Variants in DIP2C observed in about 807,000 individuals in gnomAD.
The protein encoded by DIP2C is DIP2 acetate--CoA ligase C (putative), also known as disco-interacting protein 2 homolog C.
In DIP2C, 33 loss-of-function variants were observed where a neutral mutation model predicts 192.4. The observed-to-expected ratio is 0.17, with a 90% CI of 0.13 to 0.23. The LOEUF is 0.23. DIP2C is among the 10% of genes least tolerant of loss of function. The pLI is 1.00. For missense variants in DIP2C, 1,537 were observed against 2,110.1 expected, an observed-to-expected ratio of 0.73 and a Z score of 5.32; for synonymous variants, 979 against 864.1, an observed-to-expected ratio of 1.13 and a Z score of -2.33.
chr10:657,732 G>A (rs1245969846), intron 1 of DIP2C, among the ~76,000 whole-genome samples: 2 of 98,202 alleles, frequency 2.0e-5, no homozygotes, highest in African/African-American at 3.8e-5. Context: ...TGGACCTGCC[G>A]CTGGACCTGA....
intron 1 of DIP2C, among the ~76,000 whole-genome samples, chr10:525,101 G>C (rs141387026): frequency 1.8e-4 from 27 of 151,944 alleles, no homozygotes; most frequent in African/African-American, 6.5e-4. Flanking sequence ...CATCCTTAAA[G>C]ACAACCAAAT....
intron 2 of DIP2C, chr10:484,781 C>G (rs1426483338): frequency 6.2e-7 from 1 of 1,610,348 alleles, no homozygotes; most frequent in Non-Finnish European, 8.5e-7. Flanking sequence ...CAGCGCTCAC[C>G]GAAACGAAAG....
chr10:465,710 G>A (rs368249663), intron 3 of DIP2C, among the ~76,000 whole-genome samples: 3 of 151,806 alleles, frequency 2.0e-5, no homozygotes, highest in East Asian at 1.9e-4. Flanking sequence ...CAAAATCAAT[G>A]TACAAAAATC....
chr10:357,779 G>C, intron 23 of DIP2C, 49 bp downstream of exon 23: 1 of 1,442,210 alleles, frequency 6.9e-7, no homozygotes, highest in Non-Finnish European at 9.7e-7. Flanking sequence ...GTCGGGGACA[G>C]TCGGAAAAGT....
At chr10:461,433 CAAAG>C (rs1442562219) in intron 3 of DIP2C, among the ~76,000 whole-genome samples, 1 of 152,140 alleles carries the variant, frequency 6.6e-6, no homozygotes, top group African/African-American at 2.4e-5. Context: ...TCAAAAAAGA[CAAAG>C]AAGGGCATTA....
At chr10:493,018 A>C (rs998805419) in intron 1 of DIP2C, among the ~76,000 whole-genome samples, 3 of 152,240 alleles carry the variant, frequency 2.0e-5, no homozygotes, top group Admixed American at 6.5e-5. Flanking sequence ...GCACGTGTGC[A>C]GTGTGCCGCG....
In DIP2C at chr10:596,548, G is replaced by GAA. The variant is rs1383449156; in HGVS notation, c.85+92944_85+92945dup. Reference sequence around the variant, plus strand: ...AAAAGTATTAAGTTTTCCTTCCAATGAACCTATCATTCTGCCACCGAGGTA... The same window carrying GAA: ...AAAAGTATTAAGTTTTCCTTCCAATGAAAACCTATCATTCTGCCACCGAGGTA... On this transcript the variant is annotated intron_variant, in intron 1 of 36. Coordinates refer to ENST00000280886, the MANE Select transcript of DIP2C (RefSeq NM_014974.3). 3.1e-5 allele frequency among the ~76,000 whole-genome samples: 4 copies of GAA among 130,306 alleles called. No homozygotes were observed. The East Asian group carries it at 1.0e-3, about 34-fold the overall frequency. 85.5% of individuals were successfully genotyped at this position (130,306 alleles called of 152,430 possible). A position where few individuals can be genotyped will look rare whatever the true frequency, so the allele number is the denominator to read the frequency against.
intron 1 of DIP2C, among the ~76,000 whole-genome samples, chr10:510,598 A>AT (rs575457997): frequency 1.5e-3 from 229 of 152,342 alleles, no homozygotes; most frequent in African/African-American, 5.3e-3. Flanking sequence ...GCTGGCTGAG[A>AT]TTTTAACAGC....
At chr10:429,785 T>C (rs1966839611) in intron 4 of DIP2C, among the ~76,000 whole-genome samples, 1 of 152,060 alleles carries the variant, frequency 6.6e-6, no homozygotes, top group Non-Finnish European at 1.5e-5. Context: ...ATTCACCTAC[T>C]GAGGGGCATT....
intron 6 of DIP2C, among the ~76,000 whole-genome samples, chr10:418,610 G>C (rs1457108583): frequency 6.6e-6 from 1 of 152,196 alleles, no homozygotes; most frequent in Non-Finnish European, 1.5e-5. Context: ...CGATATCTCT[G>C]TCCAACGTGG....
At chr10:417,667 AGGGC>A (rs1965763977) in intron 6 of DIP2C, among the ~76,000 whole-genome samples, 6 of 5,310 alleles carry the variant, frequency 1.1e-3, no homozygotes, top group Admixed American at 3.7e-3. Flanking sequence ...TGTTCCTGTC[AGGGC>A]TCGGATAGGC....
intron 29 of DIP2C, among the ~76,000 whole-genome samples, chr10:330,167 A>G (rs1360574221): frequency 6.6e-6 from 1 of 152,230 alleles, no homozygotes; most frequent in African/African-American, 2.4e-5. Flanking sequence ...TAGAAAACTG[A>G]CAGCCAGGGT....
At position 276,892 on chromosome 10, in the gene DIP2C, A is replaced by G. The variant is rs1360350201; in HGVS notation, c.*433T>C. 1 of 164,096 alleles carries G rather than the reference A, an allele frequency of 6.1e-6. No homozygotes were observed. The highest frequency in any genetic ancestry group is 1.3e-5 in the Non-Finnish European group (1 of 74,492). 10.2% of individuals were successfully genotyped at this position (164,096 alleles called of 1,614,324 possible). ...AACAGATCCATGTCATTAAGATTTC[A>G]TGACACATTAAAACAGAGAAAACAA... On this transcript the variant is annotated 3_prime_UTR_variant, in exon 37 of 37. Coordinates refer to ENST00000280886, the MANE Select transcript of DIP2C (RefSeq NM_014974.3).
At chr10:673,233 G>A (rs958754096) in intron 1 of DIP2C, among the ~76,000 whole-genome samples, 44 of 152,106 alleles carry the variant, frequency 2.9e-4, no homozygotes, top group Admixed American at 2.7e-3. Context: ...GAGGCCACGT[G>A]GTCTATACTT....
intron 32 of DIP2C, among the ~76,000 whole-genome samples, chr10:290,002 C>T (rs1184240368): frequency 1.3e-5 from 2 of 152,258 alleles, no homozygotes; most frequent in African/African-American, 4.8e-5. Flanking sequence ...CCGGTTGCTG[C>T]AGACAGAAGC....
rs142285121 is a variant in DIP2C, at chr10:449,172, G to A, written c.269-8176C>T. ...GGGGCAGCAGGACCCACTCACCCCT[G>A]TCAATACTCAGGATCACATACAGTG... On this transcript the variant is annotated intron_variant, in intron 3 of 36. Transcript: ENST00000280886. Among the ~76,000 whole-genome samples, 138 of 148,542 alleles carry A rather than the reference G, an allele frequency of 9.3e-4. 3 individuals are homozygous for A. The highest frequency in any genetic ancestry group is 3.4e-3 in the African/African-American group (135 of 40,202).
intron 4 of DIP2C, among the ~76,000 whole-genome samples, chr10:438,266 C>A (rs1168218943): frequency 6.6e-6 from 1 of 152,212 alleles, no homozygotes; most frequent in Non-Finnish European, 1.5e-5. Context: ...CAAATAACCA[C>A]ACTGCTTCTT....
intron 31 of DIP2C, among the ~76,000 whole-genome samples, chr10:326,572 C>T (rs770492581): frequency 1.3e-5 from 2 of 152,214 alleles, no homozygotes; most frequent in Non-Finnish European, 2.9e-5. Context: ...CCCAGAAGTG[C>T]GGCTTTGCGG....
intron 1 of DIP2C, among the ~76,000 whole-genome samples, chr10:542,409 T>C (rs946473216): frequency 2.6e-5 from 4 of 152,244 alleles, no homozygotes; most frequent in South Asian, 4.1e-4. Flanking sequence ...CTTCCAACAC[T>C]GGGGAAAACA....
Sources: gnomAD v4.1 joint callset for allele counts (sites outside exome capture counted in the v4.1 genomes callset) on GRCh38, gnomAD v4.1.1 for gene constraint, MANE v1.5 for transcripts, NCBI Gene and HGNC (gene_info 2026-07-23, HGNC 2026-07-21) for gene names.